KCNMB2: variants seen among roughly 807,000 people sequenced by gnomAD.
The protein encoded by KCNMB2 is potassium calcium-activated channel subfamily M regulatory beta subunit 2, also known as calcium-activated potassium channel subunit beta-2.
A neutral mutation model predicts 24.5 loss-of-function variants in KCNMB2; 9 were observed. The ratio of observed to expected loss-of-function variants is 0.37; its 90% CI spans 0.22 to 0.64. The LOEUF is 0.64. KCNMB2 is among the 30% of genes least tolerant of loss of function. The pLI is 0.63. For synonymous variants in KCNMB2, 109 were observed against 104.4 expected, an observed-to-expected ratio of 1.04 and a Z score of -0.27; for missense variants, 226 against 284.3, an observed-to-expected ratio of 0.79 and a Z score of 1.47.
intron 1 of KCNMB2, among the ~76,000 whole-genome samples, chr3:178,573,576 C>T (rs1266364058): frequency 3.3e-5 from 4 of 119,890 alleles, no homozygotes; most frequent in Non-Finnish European, 5.3e-5. Context: ...CTCATCTCTA[C>T]AAAACATAAA....
intron 1 of KCNMB2, among the ~76,000 whole-genome samples, chr3:178,542,280 G>A (rs539725809): frequency 2.0e-4 from 31 of 152,324 alleles, no homozygotes; most frequent in African/African-American, 7.5e-4. Context: ...CTGAGCCTCA[G>A]TTTCTTCAGT....
chr3:178,788,889 A>T (rs1482320187), intron 1 of KCNMB2, among the ~76,000 whole-genome samples: 5 of 152,212 alleles, frequency 3.3e-5, no homozygotes, highest in Non-Finnish European at 1.5e-5. Context: ...ATTGTCTGAT[A>T]TGTTTATCAA....
At chr3:178,655,095 C>CCTCT (rs67468527) in intron 1 of KCNMB2, among the ~76,000 whole-genome samples, 3,895 of 110,988 alleles carry the variant, frequency 0.035, 203 homozygotes, top group East Asian at 0.075. Flanking sequence ...ATTAGCTCTC[C>CCTCT]CTCTCTCTCT....
At chr3:178,773,009 C>CA (rs919701537) in intron 1 of KCNMB2, among the ~76,000 whole-genome samples, 127 of 147,224 alleles carry the variant, frequency 8.6e-4, no homozygotes, top group African/African-American at 2.6e-3. Context: ...TTGACAGTTT[C>CA]AAAAAAAAAA....
At chr3:178,601,599 T>C (rs1718086414) in intron 1 of KCNMB2, among the ~76,000 whole-genome samples, 1 of 152,180 alleles carries the variant, frequency 6.6e-6, no homozygotes, top group African/African-American at 2.4e-5. Context: ...TTTCCTGGCC[T>C]TTCCTCAGGA....
intron 1 of KCNMB2, among the ~76,000 whole-genome samples, chr3:178,792,480 T>C (rs1222097706): frequency 6.6e-6 from 1 of 151,190 alleles, no homozygotes; most frequent in Non-Finnish European, 1.5e-5. Context: ...TTCACAAAAA[T>C]GAACACGGGA....
At chr3:178,590,785 T>C (rs1183333854) in intron 1 of KCNMB2, among the ~76,000 whole-genome samples, 1 of 152,202 alleles carries the variant, frequency 6.6e-6, no homozygotes, top group Non-Finnish European at 1.5e-5. Flanking sequence ...GAGTGTATCA[T>C]GCCAGTGCCC....
intron 1 of KCNMB2, among the ~76,000 whole-genome samples, chr3:178,634,031 T>G (rs1719424845): frequency 6.6e-6 from 1 of 152,220 alleles, no homozygotes; most frequent in African/African-American, 2.4e-5. Flanking sequence ...TACCTTGGCC[T>G]GGACTTTATT....
intron 1 of KCNMB2, among the ~76,000 whole-genome samples, chr3:178,758,526 G>GAGGAGA (rs1724320087): frequency 7.9e-5 from 1 of 12,602 alleles, no homozygotes; most frequent in African/African-American, 2.7e-4. Context: ...AAGAGGAGAT[G>GAGGAGA]TATATATATA....
intron 1 of KCNMB2, among the ~76,000 whole-genome samples, chr3:178,703,294 AGAACTGGAATGTTTTTG>A (rs1356830014): frequency 3.3e-5 from 5 of 152,214 alleles, no homozygotes; most frequent in African/African-American, 1.2e-4. Flanking sequence ...GGAGGGCCAC[AGAACTGGAATGTTTTTG>A]GAGTTGGGAT....
At chr3:178,815,215 T>G (rs1464518244) in intron 2 of KCNMB2, among the ~76,000 whole-genome samples, 1 of 152,136 alleles carries the variant, frequency 6.6e-6, no homozygotes, top group African/African-American at 2.4e-5. Flanking sequence ...CGTGATTCAC[T>G]GCAGCCTTGA....
chr3:178,617,766 C>A (rs985160814), intron 1 of KCNMB2, among the ~76,000 whole-genome samples: 2 of 151,578 alleles, frequency 1.3e-5, no homozygotes, highest in Non-Finnish European at 2.9e-5. Flanking sequence ...TGGTGGGTAC[C>A]TGTAGTCCCA....
rs560632237 is a variant in KCNMB2, at chr3:178,662,052, T to C, written c.-68+125341T>C. 2.6e-5 allele frequency among the ~76,000 whole-genome samples: 4 copies of C among 152,342 alleles called. No homozygotes were observed. In the East Asian group the frequency reaches 7.7e-4, roughly 29 times the overall value. On this transcript the variant is annotated intron_variant, in intron 1 of 4. Coordinates refer to ENST00000452583, the MANE Select transcript of KCNMB2 (RefSeq NM_181361.3). ...TCTGCTATGATATTCATCTCAGAAA[T>C]GGTATGACTAAGGCCACACAGAATA... is the stretch of plus-strand genomic sequence containing the variant.
At chr3:178,765,320 A>G (rs1438929284) in intron 1 of KCNMB2, among the ~76,000 whole-genome samples, 3 of 152,236 alleles carry the variant, frequency 2.0e-5, no homozygotes, top group Admixed American at 1.3e-4. Flanking sequence ...CAACTAGTAT[A>G]GACCCGACTT....
chr3:178,589,563 C>T (rs1305758137), intron 1 of KCNMB2, among the ~76,000 whole-genome samples: 2 of 152,092 alleles, frequency 1.3e-5, no homozygotes, highest in African/African-American at 4.8e-5. Flanking sequence ...ACTGTACCCT[C>T]GAACTCCTGG....
intron 1 of KCNMB2, among the ~76,000 whole-genome samples, chr3:178,637,746 A>G (rs899536815): frequency 6.6e-6 from 1 of 152,024 alleles, no homozygotes; most frequent in African/African-American, 2.4e-5. Flanking sequence ...GGTAGAAGAA[A>G]CCCAAGGCTC....
chr3:178,820,304 C>A (rs989959656), intron 2 of KCNMB2, among the ~76,000 whole-genome samples: 4 of 152,230 alleles, frequency 2.6e-5, no homozygotes, highest in Non-Finnish European at 5.9e-5. Context: ...CCTATCTAAT[C>A]AGTCTCATTG....
At chr3:178,549,995 C>T (rs556104998) in intron 1 of KCNMB2, among the ~76,000 whole-genome samples, 1 of 152,102 alleles carries the variant, frequency 6.6e-6, no homozygotes, top group African/African-American at 2.4e-5. Context: ...ACCTCTTGAC[C>T]AGTTAACTTA....
rs573856289 is a variant in KCNMB2, at chr3:178,567,322, G to T, written c.-68+30611G>T. Among the ~76,000 whole-genome samples, 4 of 152,220 alleles carry T rather than the reference G, an allele frequency of 2.6e-5. No homozygotes were observed. The South Asian group carries it at 8.3e-4, about 32-fold the overall frequency. ...CTGTTTGAAAATTACCTGAGACATAGAAAACAGTTGGGGAGGAAGTCCTGA... is the reference window on the plus strand; with the variant it reads ...CTGTTTGAAAATTACCTGAGACATATAAAACAGTTGGGGAGGAAGTCCTGA... On this transcript the variant is annotated intron_variant, in intron 1 of 4. Coordinates refer to ENST00000452583, the MANE Select transcript of KCNMB2 (RefSeq NM_181361.3).
Sources: allele counts gnomAD v4.1 joint callset (sites outside exome capture counted in the v4.1 genomes callset), GRCh38; gene constraint gnomAD v4.1.1; transcripts MANE v1.5; gene names NCBI Gene and HGNC (gene_info 2026-07-23, HGNC 2026-07-21).